The following FAIM2 variants were observed in gnomAD, a reference collection of about 807,000 sequenced individuals.
The protein encoded by FAIM2 is protein lifeguard 2.
FAIM2 carries 27 observed loss-of-function variants against 47.4 expected under a neutral mutation model. That is an observed-to-expected ratio of 0.57 (90% CI 0.42 to 0.78). The LOEUF (loss-of-function observed/expected upper bound fraction) is 0.78, where lower values mean the gene tolerates loss of function less well. Among genes scored for constraint, FAIM2 ranks in the 30% least tolerant of loss-of-function variants. The pLI is 0.00. For missense variants in FAIM2, 311 were observed against 389.4 expected (o/e 0.80, Z 1.69); for synonymous variants, 156 against 159.3 (o/e 0.98, Z 0.16).
rs572709999 is a variant in FAIM2 at position 49,899,947 on chromosome 12, G to A, written c.211+1183C>T. 1.7e-4 allele frequency among the ~76,000 whole-genome samples: 26 copies of A among 152,328 alleles called. 1 individual carries two copies. In the South Asian group the frequency reaches 4.3e-3, roughly 25 times the overall value. ...ACAGCAGTCCTAGCAACGAGGATATGGGAAATGAGGAAGGGGGAGAGAGGT... is the reference window on the plus strand; with the variant it reads ...ACAGCAGTCCTAGCAACGAGGATATAGGAAATGAGGAAGGGGGAGAGAGGT... On this transcript the variant is annotated intron_variant, in intron 2 of 11. Coordinates refer to ENST00000320634, the MANE Select transcript of FAIM2 (RefSeq NM_012306.4).
intron 2 of FAIM2, among the ~76,000 whole-genome samples, chr12:49,899,449 C>T (rs1483822342): frequency 2.6e-5 from 4 of 152,294 alleles, no homozygotes; most frequent in South Asian, 4.1e-4. Context: ...AGAAAGCCTC[C>T]GCGGCCTCCC....
chr12:49,903,211 G>T (rs574718684), intron 1 of FAIM2, among the ~76,000 whole-genome samples: 12 of 152,224 alleles, frequency 7.9e-5, no homozygotes, highest in Non-Finnish European at 1.6e-4. Flanking sequence ...TCCATGCCTG[G>T]CCAAAACCAA....
intron 7 of FAIM2, 108 bp from the exon 8 acceptor site, chr12:49,890,262 T>C: frequency 1.1e-6 from 1 of 950,882 alleles, no homozygotes; most frequent in Non-Finnish European, 1.7e-6. Flanking sequence ...CCCTCAACTC[T>C]TTGTCTATGT....
At chr12:49,900,215 G>T (rs1228534859) in intron 2 of FAIM2, 1 of 1,287,720 alleles carries the variant, frequency 7.8e-7, no homozygotes, top group African/African-American at 1.5e-5. Context: ...GCGCCCAGGG[G>T]ATTTGTAGTG....
intron 5 of FAIM2, among the ~76,000 whole-genome samples, chr12:49,894,465 T>C (rs1946921703): frequency 6.6e-6 from 1 of 151,854 alleles, no homozygotes. Flanking sequence ...TTGAGAAAGC[T>C]GGGCTGTGGG....
At chr12:49,883,158 T>G (rs1011555491) in intron 11 of FAIM2, among the ~76,000 whole-genome samples, 2 of 151,976 alleles carry the variant, frequency 1.3e-5, no homozygotes, top group African/African-American at 2.4e-5. Flanking sequence ...GTCAGAGAGC[T>G]TGCAGGCTGT....
At chr12:49,896,445 G>T (rs567879310) in intron 5 of FAIM2, among the ~76,000 whole-genome samples, 1 of 152,294 alleles carries the variant, frequency 6.6e-6, no homozygotes, top group Admixed American at 6.5e-5. Context: ...GCCTTAACCT[G>T]AATTCTGGGT....
At chr12:49,896,436 C>G (rs1171864527) in intron 5 of FAIM2, among the ~76,000 whole-genome samples, 2 of 152,152 alleles carry the variant, frequency 1.3e-5, no homozygotes, top group Non-Finnish European at 2.9e-5. Flanking sequence ...AGAGCACAAG[C>G]CTTAACCTGA....
chr12:49,872,973 G>GCCCTCTTGAGGACATGCA (rs1216220887), intron 11 of FAIM2, among the ~76,000 whole-genome samples: 1 of 152,216 alleles, frequency 6.6e-6, no homozygotes, highest in Non-Finnish European at 1.5e-5. Flanking sequence ...AAGGAGAGGT[G>GCCCTCTTGAGGACATGCA]CCCTCTTGAG....
At chr12:49,886,933 G>A (rs611282) in intron 11 of FAIM2, among the ~76,000 whole-genome samples, 13,075 of 152,136 alleles carry the variant, frequency 0.086, 652 homozygotes, top group Non-Finnish European at 0.11. Flanking sequence ...TCTCAGTTTC[G>A]TGAGAACAGC....
chr12:49,878,559 A>AT (rs1565613319), intron 11 of FAIM2, among the ~76,000 whole-genome samples: 4 of 125,026 alleles, frequency 3.2e-5, no homozygotes, highest in African/African-American at 1.3e-4. Context: ...TGCATGTGTG[A>AT]GTGTATATGT....
chr12:49,887,977 C>T (rs990526127), intron 10 of FAIM2, among the ~76,000 whole-genome samples: 2 of 152,168 alleles, frequency 1.3e-5, no homozygotes, highest in Admixed American at 1.3e-4. Flanking sequence ...CAGGCTGGAA[C>T]AGCACCTCCC....
chr12:49,884,861 C>T (rs1946850528), intron 11 of FAIM2, among the ~76,000 whole-genome samples: 1 of 152,218 alleles, frequency 6.6e-6, no homozygotes, highest in Non-Finnish European at 1.5e-5. Flanking sequence ...GTAGTCCCAG[C>T]TCCTTGGGAG....
chr12:49,883,870 C>A (rs370015390), intron 11 of FAIM2, among the ~76,000 whole-genome samples: 10 of 152,006 alleles, frequency 6.6e-5, no homozygotes, highest in African/African-American at 2.4e-4. Flanking sequence ...GAGACTGGGT[C>A]CCCGGATTTA....
chr12:49,870,783 G>T, intron 11 of FAIM2, 130 bp from the exon 12 acceptor site: 3 of 804,328 alleles, frequency 3.7e-6, no homozygotes, highest in Non-Finnish European at 5.9e-6. Flanking sequence ...TGACTACCCA[G>T]TGGCCCTCCT....
chr12:49,878,016 ATG>A (rs959843924), intron 11 of FAIM2, among the ~76,000 whole-genome samples: 4 of 141,716 alleles, frequency 2.8e-5, no homozygotes, highest in Admixed American at 2.1e-4. Context: ...GCATGTGTGT[ATG>A]TGTGAGTGTG....
rs1049179832 is a variant in FAIM2, at chr12:49,874,129, C to T, written c.802-3476G>A. On this transcript the variant is annotated intron_variant, in intron 11 of 11. Coordinates refer to ENST00000320634, the MANE Select transcript of FAIM2 (RefSeq NM_012306.4). The surrounding 1 kb of genome is among the most constrained non-coding windows in gnomAD (Gnocchi z 4.2). ...GGCTGAGAGCTAGCAACCGAATTGA[C>T]TGCAAACCCCTAAAAGGAGGGCAGG... Among the ~76,000 whole-genome samples the T allele has an allele frequency of 6.6e-6, 1 of 152,214 alleles. No individual in the cohort carries two copies. Among genetic ancestry groups the T allele is most frequent in the African/African-American group, 2.4e-5 (1 of 41,452 alleles).
intron 5 of FAIM2, among the ~76,000 whole-genome samples, chr12:49,891,709 G>A (rs1415017938): frequency 6.6e-6 from 1 of 152,156 alleles, no homozygotes; most frequent in Admixed American, 6.5e-5. Context: ...CTATTAAATT[G>A]TAAACTCAGC....
At chr12:49,880,320 ATG>A (rs145155212) in intron 11 of FAIM2, among the ~76,000 whole-genome samples, 22,756 of 145,766 alleles carry the variant, frequency 0.16, 1,924 homozygotes, top group African/African-American at 0.25. Context: ...GTGTATGTGT[ATG>A]TGTGTCTGTG....
Sources: gnomAD v4.1 joint callset for allele counts (sites outside exome capture counted in the v4.1 genomes callset) on GRCh38, gnomAD v4.1.1 for gene constraint, Gnocchi (gnomAD v3.1) non-coding constraint, MANE v1.5 for transcripts, NCBI Gene and HGNC (gene_info 2026-07-23, HGNC 2026-07-21) for gene names.